GALNT13: variants seen among roughly 807,000 people sequenced by gnomAD.
GALNT13 encodes polypeptide N-acetylgalactosaminyltransferase 13.
A neutral mutation model predicts 64.2 loss-of-function variants in GALNT13; 28 were observed. The observed-to-expected ratio is 0.44, with a 90% confidence interval of 0.32 to 0.60. The LOEUF is 0.60. GALNT13 is among the 20% of genes least tolerant of loss of function. GALNT13 has a pLI of 0.05. For synonymous variants in GALNT13, 214 were observed against 224.6 expected (o/e 0.95, Z 0.42); for missense variants, 577 against 669.8 (o/e 0.86, Z 1.53).
At chr2:153,636,211 G>A in the GALNT13 span, among the ~76,000 whole-genome samples, 1 of 151,952 alleles carries the variant, frequency 6.6e-6, no homozygotes, top group African/African-American at 2.4e-5. Context: ...CATTTTGAAG[G>A]GGAAAATAGT....
At chr2:153,444,223 A>G in the GALNT13 span, among the ~76,000 whole-genome samples, 10 of 152,030 alleles carry the variant, frequency 6.6e-5, no homozygotes, top group African/African-American at 2.4e-4. Context: ...CTACTTGCCT[A>G]CCTGCTTACA....
the GALNT13 span, among the ~76,000 whole-genome samples, chr2:153,629,203 C>CTTT: frequency 1.5e-5 from 2 of 131,508 alleles, no homozygotes; most frequent in African/African-American, 6.7e-5. Context: ...TCCCCTTTAT[C>CTTT]ATTTTTTTTT....
At chr2:153,457,882 C>T in the GALNT13 span, among the ~76,000 whole-genome samples, 109 of 152,286 alleles carry the variant, frequency 7.2e-4, 3 homozygotes, top group South Asian at 0.022. Flanking sequence ...TCAGAACAAA[C>T]CTCATGATCA....
intron 3 of GALNT13, among the ~76,000 whole-genome samples, chr2:153,954,949 G>A (rs893707836): frequency 6.6e-6 from 1 of 151,604 alleles, no homozygotes; most frequent in African/African-American, 2.4e-5. Context: ...ACAAACACGA[G>A]TATTTCTGGA....
chr2:153,204,292 C>T, the GALNT13 span, among the ~76,000 whole-genome samples: 5 of 152,132 alleles, frequency 3.3e-5, no homozygotes, highest in African/African-American at 1.2e-4. Context: ...CTTCTCTCGC[C>T]TCTTGAGGGA....
chr2:153,403,008 T>G, the GALNT13 span, among the ~76,000 whole-genome samples: 244 of 151,530 alleles, frequency 1.6e-3, 1 homozygote, highest in Non-Finnish European at 1.4e-3. Flanking sequence ...GGCACTCTGC[T>G]TTTTAGAGTT....
At chr2:154,378,805 TTTACAA>T (rs1262521971) in intron 9 of GALNT13, among the ~76,000 whole-genome samples, 1 of 152,082 alleles carries the variant, frequency 6.6e-6, no homozygotes, top group African/African-American at 2.4e-5. Flanking sequence ...CCCATAAGTA[TTTACAA>T]TTACAATGTG....
At chr2:154,137,614 A>T (rs531255296) in intron 3 of GALNT13, among the ~76,000 whole-genome samples, 59 of 152,336 alleles carry the variant, frequency 3.9e-4, no homozygotes, top group African/African-American at 1.3e-3. Context: ...TAAAACTGTC[A>T]TGCCTTTGAA....
At chr2:153,939,003 G>A (rs762118818) in intron 2 of GALNT13, among the ~76,000 whole-genome samples, 1 of 152,068 alleles carries the variant, frequency 6.6e-6, no homozygotes, top group Non-Finnish European at 1.5e-5. Context: ...TAAGAGAAGC[G>A]TAATCCTGTT....
At chr2:153,144,404 A>G in the GALNT13 span, among the ~76,000 whole-genome samples, 2 of 151,958 alleles carry the variant, frequency 1.3e-5, no homozygotes, top group African/African-American at 4.8e-5. Flanking sequence ...TATTCTGCAA[A>G]CACTTTACTC....
At chr2:153,450,860 A>G in the GALNT13 span, among the ~76,000 whole-genome samples, 1 of 152,150 alleles carries the variant, frequency 6.6e-6, no homozygotes, top group Non-Finnish European at 1.5e-5. Context: ...ATTTCTTTCC[A>G]TAGGACCTTC....
chr2:153,225,877 C>T, the GALNT13 span, among the ~76,000 whole-genome samples: 135 of 152,108 alleles, frequency 8.9e-4, no homozygotes, highest in African/African-American at 3.0e-3. Context: ...ATATTCATAA[C>T]GTGTCAATTC....
chr2:153,734,907 T>A, the GALNT13 span, among the ~76,000 whole-genome samples: 6 of 152,152 alleles, frequency 3.9e-5, no homozygotes, highest in African/African-American at 1.4e-4. Flanking sequence ...AGTAACCTCC[T>A]AGAGGGCCAA....
intron 1 of GALNT13, among the ~76,000 whole-genome samples, chr2:153,899,437 GT>G (rs1353754763): frequency 6.6e-6 from 1 of 152,122 alleles, no homozygotes; most frequent in Non-Finnish European, 1.5e-5. Context: ...CTTTTATTAT[GT>G]TTTAAGTTTT....
the GALNT13 span, among the ~76,000 whole-genome samples, chr2:153,616,782 A>C: frequency 6.6e-6 from 1 of 152,014 alleles, no homozygotes; most frequent in Middle Eastern, 3.2e-3. Context: ...GATGTTCTGC[A>C]GTATGAATGA....
At chr2:153,438,231 T>G in the GALNT13 span, among the ~76,000 whole-genome samples, 2 of 152,222 alleles carry the variant, frequency 1.3e-5, no homozygotes, top group Admixed American at 1.3e-4. Context: ...GTGGGTAACC[T>G]GACCTTTCTC....
intron 9 of GALNT13, among the ~76,000 whole-genome samples, chr2:154,361,837 C>G (rs576649075): frequency 6.6e-6 from 1 of 152,110 alleles, no homozygotes; most frequent in Non-Finnish European, 1.5e-5. Flanking sequence ...AGTGATTTCT[C>G]ATGCTTGAAT....
At chr2:153,747,205 T>A in the GALNT13 span, among the ~76,000 whole-genome samples, 3 of 152,098 alleles carry the variant, frequency 2.0e-5, no homozygotes, top group African/African-American at 7.2e-5. Flanking sequence ...TCCTTTGTAT[T>A]ACAAGCTATC....
At chr2:154,354,446 C>CTTTTTTTTTTTTTTTTTT (rs1696603615) in intron 9 of GALNT13, among the ~76,000 whole-genome samples, 1 of 50,526 alleles carries the variant, frequency 2.0e-5, no homozygotes, top group African/African-American at 8.3e-5. Context: ...TTTTTTTTTG[C>CTTTTTTTTTTTTTTTTTT]TGTTGTAGCT....
Sources: gnomAD v4.1 joint callset for allele counts (sites outside exome capture counted in the v4.1 genomes callset) on GRCh38, gnomAD v4.1.1 for gene constraint, MANE v1.5 for transcripts, NCBI Gene and HGNC (gene_info 2026-07-23, HGNC 2026-07-21) for gene names.